The following KIF13A variants were observed in gnomAD, a reference collection of about 807,000 sequenced individuals.
The protein encoded by KIF13A is kinesin family member 13A.
KIF13A carries 79 observed loss-of-function variants against 212.2 expected under a neutral mutation model. The ratio of observed to expected loss-of-function variants is 0.37; its 90% CI spans 0.31 to 0.45. The LOEUF is 0.45. KIF13A is among the 20% of genes least tolerant of loss of function. The pLI, the probability that KIF13A is intolerant of heterozygous loss-of-function variation, is 1.00. For missense variants in KIF13A, 1,901 were observed against 2,209.0 expected, an observed-to-expected ratio of 0.86 and a Z score of 2.79; for synonymous variants, 789 against 808.6, an observed-to-expected ratio of 0.98 and a Z score of 0.41.
intron 2 of KIF13A, among the ~76,000 whole-genome samples, chr6:17,949,031 T>C (rs1476217245): frequency 1.3e-5 from 2 of 152,080 alleles, no homozygotes; most frequent in Non-Finnish European, 2.9e-5. Flanking sequence ...AATACACATG[T>C]CAAATGTACA....
intron 2 of KIF13A, among the ~76,000 whole-genome samples, chr6:17,969,096 C>A (rs1363105324): frequency 1.3e-5 from 2 of 152,222 alleles, no homozygotes; most frequent in Admixed American, 1.3e-4. Flanking sequence ...AAGGCACTTA[C>A]TATGTACAAG....
chr6:17,773,546 C>CT lies in KIF13A; in HGVS notation c.4255dup (p.Ser1419LysfsTer22). 6.2e-7 allele frequency: 1 copy of CT among 1,611,806 alleles called. No individual in the cohort carries two copies. Among genetic ancestry groups the CT allele is most frequent in the Non-Finnish European group, 8.5e-7 (1 of 1,178,400 alleles). On this transcript the variant is annotated frameshift_variant, in exon 36 of 39. Coordinates refer to ENST00000259711, the MANE Select transcript of KIF13A (RefSeq NM_022113.6). LOFTEE classifies it high-confidence loss of function. This position sits in a 1 kb window ranked among gnomAD's most constrained non-coding sequence, Gnocchi z 4.2. ...ACATGCTACATCTTGGTAACTGGAG[C>CT]TATAGTCAGACATGTCCAACTGGTT... is the stretch of plus-strand genomic sequence containing the variant.
chr6:17,910,405 C>G (rs1395705330), intron 2 of KIF13A, among the ~76,000 whole-genome samples: 4 of 152,150 alleles, frequency 2.6e-5, no homozygotes, highest in Non-Finnish European at 5.9e-5. Flanking sequence ...AACCAAGGGA[C>G]CAAACAGCTT....
At chr6:17,975,628 T>G (rs11753142) in intron 2 of KIF13A, among the ~76,000 whole-genome samples, 35,504 of 152,164 alleles carry the variant, frequency 0.23, 4,381 homozygotes, top group Admixed American at 0.35. Context: ...TTCTCTTATC[T>G]GGCCCCACCC....
At chr6:17,975,231 T>C (rs1780232550) in intron 2 of KIF13A, among the ~76,000 whole-genome samples, 1 of 152,186 alleles carries the variant, frequency 6.6e-6, no homozygotes. Flanking sequence ...CAGGTTTCTG[T>C]AATCCCAGCT....
At chr6:17,795,836 T>C (rs1404549151) in intron 23 of KIF13A, among the ~76,000 whole-genome samples, 1 of 152,228 alleles carries the variant, frequency 6.6e-6, no homozygotes, top group African/African-American at 2.4e-5. Context: ...TTTTCTTCCA[T>C]GGTTAGCACT....
Position 17,934,754 on chromosome 6 carries a change from T to A in KIF13A, c.147-36574A>T, listed in dbSNP as rs981147187. 1.2e-4 allele frequency among the ~76,000 whole-genome samples: 18 copies of A among 146,690 alleles called. No individual in the cohort carries two copies. In the Admixed American group the frequency reaches 1.2e-3, roughly 10 times the overall value. ...GGTGAGCCATGACTGCACCACTGACTCCAGCCTGGGCAACCAAGCAATACC... is the reference window on the plus strand; with the variant it reads ...GGTGAGCCATGACTGCACCACTGACACCAGCCTGGGCAACCAAGCAATACC... On this transcript the variant is annotated intron_variant, in intron 2 of 38. Transcript: ENST00000259711. This position sits in a 1 kb window ranked among gnomAD's most constrained non-coding sequence, Gnocchi z 5.4.
rs73723279 is a variant in KIF13A at position 17,906,155 on chromosome 6, C to G, written c.147-7975G>C. Among the ~76,000 whole-genome samples the G allele has an allele frequency of 4.3e-3, 651 of 152,248 alleles. 6 individuals carry two copies. Among genetic ancestry groups the G allele is most frequent in the African/African-American group, 0.015 (613 of 41,544 alleles). On this transcript the variant is annotated intron_variant, in intron 2 of 38. Coordinates refer to ENST00000259711, the MANE Select transcript of KIF13A (RefSeq NM_022113.6). ...GTCATCAGATGATCAAACCTACAAT[C>G]ACTACAGTAAAATTTTCTGAACATG... is the stretch of plus-strand genomic sequence containing the variant.
chr6:17,930,859 G>A (rs983910727), intron 2 of KIF13A, among the ~76,000 whole-genome samples: 4 of 152,136 alleles, frequency 2.6e-5, no homozygotes, highest in African/African-American at 7.2e-5. Context: ...TACAGAATAC[G>A]GTTTACACAA....
At position 17,787,852 on chromosome 6, in the gene KIF13A, C is replaced by A; in HGVS notation, c.3285G>T (p.Arg1095Ser). ...SYQEEDLNCV[R>S]ERWSDALIKR... Reference sequence around the variant, plus strand: ...TAATGAGTGCATCTGACCACCTCTCCCTTACGCAGTTTAAGTCTTCTTCCT... The same window carrying A: ...TAATGAGTGCATCTGACCACCTCTCACTTACGCAGTTTAAGTCTTCTTCCT... Residue 1095 changes from arginine (R) to serine (S), a missense_variant, in exon 27 of 39, where the codon AGG (arginine) becomes AGT (serine). Coordinates refer to ENST00000259711, the MANE Select transcript of KIF13A (RefSeq NM_022113.6). The surrounding 1 kb of genome is among the most constrained non-coding windows in gnomAD (Gnocchi z 4.6). 1 of 1,611,772 alleles carries A rather than the reference C, an allele frequency of 6.2e-7. No homozygotes were observed. The highest frequency in any genetic ancestry group is 1.1e-5 in the South Asian group (1 of 91,026).
At chr6:17,792,218 G>C (rs1329069683) in intron 25 of KIF13A, among the ~76,000 whole-genome samples, 1 of 77,944 alleles carries the variant, frequency 1.3e-5, no homozygotes, top group Admixed American at 1.2e-4. Context: ...AAAAAAAAAA[G>C]CAGCAAATAG....
At chr6:17,784,362 G>A (rs1037392283) in intron 28 of KIF13A, among the ~76,000 whole-genome samples, 1 of 152,080 alleles carries the variant, frequency 6.6e-6, no homozygotes, top group African/African-American at 2.4e-5. Flanking sequence ...AGGTTGCAGT[G>A]CACCAAGATC....
At position 17,826,023 on chromosome 6, in the gene KIF13A, A is replaced by G. The variant is rs1764933192; in HGVS notation, c.1619+15T>C. 2.8e-5 allele frequency: 45 copies of G among 1,612,770 alleles called. No homozygotes were observed. Among genetic ancestry groups the G allele is most frequent in the Non-Finnish European group, 3.8e-5 (45 of 1,178,814 alleles). On this transcript the variant is annotated intron_variant, in intron 15 of 38. Transcript: ENST00000259711. This position sits in a 1 kb window ranked among gnomAD's most constrained non-coding sequence, Gnocchi z 4.7. The stretch of plus-strand genomic sequence containing the variant: ...AATGTATACGAAAATATATTACAGA[A>G]CACAAAGATGTTACCTAAAAAAGTG...
chr6:17,819,030 C>CG (rs1764200209), intron 16 of KIF13A, among the ~76,000 whole-genome samples: 1 of 124,100 alleles, frequency 8.1e-6, no homozygotes, highest in African/African-American at 3.2e-5. Flanking sequence ...GACGGAGTTT[C>CG]GCTCTGTTGC....
chr6:17,801,582 T>C (rs1762478056), intron 20 of KIF13A, among the ~76,000 whole-genome samples: 1 of 152,190 alleles, frequency 6.6e-6, no homozygotes, highest in Non-Finnish European at 1.5e-5. Context: ...ATAATAGATA[T>C]ATGTGCGAGT....
chr6:17,861,866 T>C (rs1768823353), intron 4 of KIF13A, among the ~76,000 whole-genome samples: 1 of 152,222 alleles, frequency 6.6e-6, no homozygotes, highest in Non-Finnish European at 1.5e-5. Flanking sequence ...TTCTTGGTCA[T>C]ACGAAAGCTC....
intron 4 of KIF13A, among the ~76,000 whole-genome samples, chr6:17,858,926 T>A (rs942672018): frequency 6.6e-6 from 1 of 152,190 alleles, no homozygotes; most frequent in African/African-American, 2.4e-5. Flanking sequence ...CTTGAGTTGA[T>A]GAAAGGACTC....
chr6:17,962,302 C>T (rs926073698), intron 2 of KIF13A, among the ~76,000 whole-genome samples: 4 of 151,626 alleles, frequency 2.6e-5, no homozygotes, highest in African/African-American at 7.3e-5. Flanking sequence ...CAGAGAAAGA[C>T]TCCGTCTCAA....
chr6:17,818,998 CT>C (rs11438528), intron 16 of KIF13A, among the ~76,000 whole-genome samples: 26,892 of 123,190 alleles, frequency 0.22, 2,036 homozygotes, highest in African/African-American at 0.31. Flanking sequence ...AAATATATCA[CT>C]TTTTTTTTTT....
Sources: gnomAD v4.1 joint callset for allele counts (sites outside exome capture counted in the v4.1 genomes callset) on GRCh38, gnomAD v4.1.1 for gene constraint, Gnocchi (gnomAD v3.1) non-coding constraint, MANE v1.5 for transcripts, NCBI Gene and HGNC (gene_info 2026-07-23, HGNC 2026-07-21) for gene names.